The following TRPS1 variants were observed in gnomAD, a reference collection of about 807,000 sequenced individuals.
The protein encoded by TRPS1 is transcriptional repressor GATA binding 1, also known as zinc finger transcription factor Trps1.
A neutral mutation model predicts 101.2 loss-of-function variants in TRPS1; 6 were observed. That is an observed-to-expected ratio of 0.06 (90% CI 0.03 to 0.12). The LOEUF is 0.12. Ranked by LOEUF, TRPS1 falls within the 10% of genes least tolerant of loss-of-function variation. TRPS1 has a pLI of 1.00. For missense variants in TRPS1, 1,363 were observed against 1,567.0 expected, an observed-to-expected ratio of 0.87 and a Z score of 2.20; for synonymous variants, 578 against 589.8, an observed-to-expected ratio of 0.98 and a Z score of 0.29.
intron 5 of TRPS1, among the ~76,000 whole-genome samples, chr8:115,569,386 T>C (rs903513059): frequency 6.6e-6 from 1 of 152,068 alleles, no homozygotes; most frequent in East Asian, 1.9e-4. Context: ...CACACAAGAA[T>C]TCCCACTTGA....
At chr8:115,651,334 T>C (rs186916144) in intron 1 of TRPS1, among the ~76,000 whole-genome samples, 110 of 152,320 alleles carry the variant, frequency 7.2e-4, no homozygotes, top group African/African-American at 2.6e-3. Context: ...ACATACTCCG[T>C]TGCAACCAGT....
At chr8:115,595,465 T>C (rs931472251) in intron 4 of TRPS1, among the ~76,000 whole-genome samples, 1 of 151,954 alleles carries the variant, frequency 6.6e-6, no homozygotes, top group Non-Finnish European at 1.5e-5. Flanking sequence ...AAAATAATTA[T>C]GTTGTTTACT....
chr8:115,476,125 TCTC>T (rs1341025112), intron 5 of TRPS1, among the ~76,000 whole-genome samples: 1 of 53,504 alleles, frequency 1.9e-5, no homozygotes. Flanking sequence ...TTCACGCCAT[TCTC>T]CTGCCTCAGC....
intron 4 of TRPS1, among the ~76,000 whole-genome samples, chr8:115,589,098 G>C (rs754483799): frequency 6.6e-6 from 1 of 152,184 alleles, no homozygotes; most frequent in Admixed American, 6.5e-5. Flanking sequence ...TGGAGGATGA[G>C]GAAGGGGAAA....
intron 5 of TRPS1, among the ~76,000 whole-genome samples, chr8:115,516,522 T>C (rs1441535856): frequency 1.3e-5 from 2 of 151,636 alleles, no homozygotes; most frequent in East Asian, 3.9e-4. Flanking sequence ...GATACATATA[T>C]ATAACTCTAT....
At chr8:115,449,300 G>T (rs1227699037) in intron 5 of TRPS1, among the ~76,000 whole-genome samples, 1 of 151,926 alleles carries the variant, frequency 6.6e-6, no homozygotes, top group Non-Finnish European at 1.5e-5. Flanking sequence ...TAAAAAAAAA[G>T]ATTTTTGCTA....
At position 115,604,940 on chromosome 8, in the gene TRPS1, G is replaced by T; in HGVS notation, c.1029C>A (p.Thr343=). The T allele has an allele frequency of 6.2e-7, 1 of 1,613,932 alleles. No homozygotes were observed. The highest frequency in any genetic ancestry group is 8.5e-7 in the Non-Finnish European group (1 of 1,179,934). Residue 343 remains threonine, a synonymous_variant, in exon 4 of 7, where the codon ACC becomes ACA. Coordinates refer to ENST00000395715, the MANE Select transcript of TRPS1 (RefSeq NM_014112.5). The surrounding 1 kb of genome is among the most constrained non-coding windows in gnomAD (Gnocchi z 4.1). Reference sequence around the variant, plus strand: ...TGCAGAATTTACAGCGGAAATACTTGGTGTTCCCTTGGCAATCTGGTGTTT... The same window carrying T: ...TGCAGAATTTACAGCGGAAATACTTTGTGTTCCCTTGGCAATCTGGTGTTT... ...GRKTPDCQGN[T]KYFRCKFCNF... is the part of the protein sequence containing the mutation.
intron 5 of TRPS1, among the ~76,000 whole-genome samples, chr8:115,585,051 T>G (rs1024954289): frequency 6.6e-6 from 1 of 152,160 alleles, no homozygotes; most frequent in Non-Finnish European, 1.5e-5. Context: ...TCTCTGAAAT[T>G]TAGTAGATTA....
intron 1 of TRPS1, among the ~76,000 whole-genome samples, chr8:115,647,135 A>G (rs762992603): frequency 2.6e-5 from 4 of 152,168 alleles, no homozygotes; most frequent in Non-Finnish European, 2.9e-5. Context: ...TACACTGGAA[A>G]TCTCAAGGCA....
chr8:115,599,219 GCTCT>G (rs1043316513), intron 4 of TRPS1, among the ~76,000 whole-genome samples: 3 of 151,828 alleles, frequency 2.0e-5, no homozygotes, highest in Non-Finnish European at 4.4e-5. Flanking sequence ...TAATTCATTT[GCTCT>G]CTTTGTCTAA....
intron 5 of TRPS1, among the ~76,000 whole-genome samples, chr8:115,579,414 CT>C (rs969075344): frequency 6.6e-6 from 1 of 151,960 alleles, no homozygotes; most frequent in Non-Finnish European, 1.5e-5. Context: ...TCTACCAAGA[CT>C]TTTTTTATGA....
At chr8:115,487,341 G>C (rs1438032348) in intron 5 of TRPS1, among the ~76,000 whole-genome samples, 1 of 152,104 alleles carries the variant, frequency 6.6e-6, no homozygotes, top group African/African-American at 2.4e-5. Flanking sequence ...TATGTACAAA[G>C]AGATCAGTGT....
At chr8:115,645,733 G>A (rs923707771) in intron 1 of TRPS1, among the ~76,000 whole-genome samples, 18 of 152,140 alleles carry the variant, frequency 1.2e-4, no homozygotes, top group Non-Finnish European at 5.9e-5. Context: ...GATGGCACAT[G>A]TCATTAAAGG....
intron 5 of TRPS1, among the ~76,000 whole-genome samples, chr8:115,470,184 G>C (rs1052978158): frequency 1.3e-5 from 2 of 152,108 alleles, no homozygotes; most frequent in South Asian, 4.1e-4. Context: ...TACTCTCAGG[G>C]TAGAACATTC....
intron 5 of TRPS1, among the ~76,000 whole-genome samples, chr8:115,449,887 G>A (rs774208297): frequency 6.6e-6 from 1 of 151,658 alleles, no homozygotes; most frequent in Non-Finnish European, 1.5e-5. Flanking sequence ...GAAATACTTT[G>A]AGCTTCACAC....
chr8:115,475,128 A>C (rs1030153143), intron 5 of TRPS1, among the ~76,000 whole-genome samples: 1 of 151,886 alleles, frequency 6.6e-6, no homozygotes, highest in African/African-American at 2.4e-5. Context: ...AGAATGCCAT[A>C]GCAAAAGTCA....
chr8:115,663,401 A>G (rs1361498268), intron 1 of TRPS1, among the ~76,000 whole-genome samples: 2 of 152,052 alleles, frequency 1.3e-5, no homozygotes, highest in Non-Finnish European at 2.9e-5. Flanking sequence ...GAGAGAGAGA[A>G]AGAGTAGGAG....
chr8:115,623,406 T>G (rs1228826994), intron 2 of TRPS1, among the ~76,000 whole-genome samples, 195 bp downstream of exon 2: 1 of 152,044 alleles, frequency 6.6e-6, no homozygotes, highest in African/African-American at 2.4e-5. Context: ...GAGTGACAGA[T>G]TATGTAAATA....
At chr8:115,620,867 G>T (rs914307159) in intron 2 of TRPS1, among the ~76,000 whole-genome samples, 1 of 152,234 alleles carries the variant, frequency 6.6e-6, no homozygotes, top group Non-Finnish European at 1.5e-5. Flanking sequence ...TCCATATGCA[G>T]CCTGGTGAAA....
Sources: gnomAD v4.1 joint callset for allele counts (sites outside exome capture counted in the v4.1 genomes callset) on GRCh38, gnomAD v4.1.1 for gene constraint, Gnocchi (gnomAD v3.1) non-coding constraint, MANE v1.5 for transcripts, NCBI Gene and HGNC (gene_info 2026-07-23, HGNC 2026-07-21) for gene names.